CDH13: variants seen among roughly 807,000 people sequenced by gnomAD.
The protein encoded by CDH13 is cadherin-13.
A neutral mutation model predicts 63.8 loss-of-function variants in CDH13; 24 were observed. The observed-to-expected ratio is 0.38, with a 90% CI of 0.27 to 0.53. The LOEUF (loss-of-function observed/expected upper bound fraction) is 0.53, where lower values mean the gene tolerates loss of function less well. Ranked by LOEUF, CDH13 falls within the 20% of genes least tolerant of loss-of-function variation. CDH13 has a pLI of 0.85. For missense variants in CDH13, 1,049 were observed against 903.1 expected, an observed-to-expected ratio of 1.16 and a Z score of -2.07; for synonymous variants, 503 against 355.3, an observed-to-expected ratio of 1.42 and a Z score of -4.67.
intron 13 of CDH13, among the ~76,000 whole-genome samples, chr16:83,794,452 C>G (rs1916473478): frequency 6.6e-6 from 1 of 152,144 alleles, no homozygotes; most frequent in African/African-American, 2.4e-5. Flanking sequence ...CCTCCGGAGA[C>G]TAAGGTGGGA....
At chr16:82,635,855 C>T (rs1908589470) in intron 1 of CDH13, among the ~76,000 whole-genome samples, 1 of 152,140 alleles carries the variant, frequency 6.6e-6, no homozygotes, top group African/African-American at 2.4e-5. Flanking sequence ...TGAGTTCTCA[C>T]AAGACATGGT....
At chr16:83,075,222 C>G (rs1330759980) in intron 3 of CDH13, among the ~76,000 whole-genome samples, 1 of 152,172 alleles carries the variant, frequency 6.6e-6, no homozygotes, top group Non-Finnish European at 1.5e-5. Context: ...CTTCCCAACT[C>G]CCTCACTTGT....
chr16:83,704,708 G>C (rs905403078), intron 10 of CDH13, among the ~76,000 whole-genome samples: 2 of 152,168 alleles, frequency 1.3e-5, no homozygotes, highest in African/African-American at 4.8e-5. Context: ...ATTGTTGAAA[G>C]CCTTCAGTGC....
intron 7 of CDH13, 101 bp downstream of exon 7, chr16:83,486,756 T>A: frequency 9.4e-7 from 1 of 1,063,078 alleles, no homozygotes; most frequent in East Asian, 2.4e-5. Context: ...TTTAATACTG[T>A]AAAGGCAGAA....
At chr16:82,737,768 T>A (rs1038830998) in intron 1 of CDH13, among the ~76,000 whole-genome samples, 6 of 152,350 alleles carry the variant, frequency 3.9e-5, no homozygotes, top group African/African-American at 1.2e-4. Flanking sequence ...CTAGGTTCTT[T>A]CACTGCATTT....
chr16:83,728,325 G>A (rs1427371429), intron 10 of CDH13, among the ~76,000 whole-genome samples: 1 of 142,482 alleles, frequency 7.0e-6, no homozygotes, highest in Non-Finnish European at 1.5e-5. Context: ...GGCTATGTGT[G>A]TATGTGTATG....
intron 1 of CDH13, among the ~76,000 whole-genome samples, chr16:82,802,650 T>C (rs1329203134): frequency 6.6e-6 from 1 of 152,190 alleles, no homozygotes; most frequent in Non-Finnish European, 1.5e-5. Context: ...CCGCATCTTA[T>C]AAGAAGTGCA....
intron 2 of CDH13, among the ~76,000 whole-genome samples, chr16:82,945,205 G>A (rs1001142441): frequency 6.6e-6 from 1 of 152,190 alleles, no homozygotes; most frequent in Non-Finnish European, 1.5e-5. Flanking sequence ...AACTTTGTGG[G>A]CCATGAAGTT....
At chr16:83,614,776 A>G (rs529141561) in intron 8 of CDH13, among the ~76,000 whole-genome samples, 1 of 152,254 alleles carries the variant, frequency 6.6e-6, no homozygotes, top group Non-Finnish European at 1.5e-5. Flanking sequence ...TGGTGCGGAT[A>G]TAATTCCTGT....
At chr16:83,515,891 T>C (rs2074688290) in intron 7 of CDH13, among the ~76,000 whole-genome samples, 1 of 152,172 alleles carries the variant, frequency 6.6e-6, no homozygotes, top group African/African-American at 2.4e-5. Context: ...AATCTTTATA[T>C]AGGAATTAAA....
intron 10 of CDH13, among the ~76,000 whole-genome samples, chr16:83,724,527 T>A (rs1450423205): frequency 6.6e-6 from 1 of 152,138 alleles, no homozygotes; most frequent in Non-Finnish European, 1.5e-5. Flanking sequence ...GGTGGATGAA[T>A]GCATGGATGA....
intron 5 of CDH13, among the ~76,000 whole-genome samples, chr16:83,274,147 G>C (rs1007894288): frequency 3.3e-5 from 5 of 152,168 alleles, no homozygotes; most frequent in Admixed American, 6.5e-5. Context: ...GTCCCTCAAA[G>C]GAAAGACCAG....
chr16:83,477,463 G>A (rs2073634962), intron 6 of CDH13, among the ~76,000 whole-genome samples: 1 of 152,146 alleles, frequency 6.6e-6, no homozygotes. Flanking sequence ...ATTTTAAAGA[G>A]CACAGTTGTG....
intron 6 of CDH13, among the ~76,000 whole-genome samples, chr16:83,463,658 C>G (rs1284838903): frequency 6.6e-6 from 1 of 152,106 alleles, no homozygotes; most frequent in Non-Finnish European, 1.5e-5. Flanking sequence ...AAAAATTTAA[C>G]CGGGCATGGT....
At chr16:82,634,182 C>T (rs574060224) in intron 1 of CDH13, among the ~76,000 whole-genome samples, 9 of 152,340 alleles carry the variant, frequency 5.9e-5, no homozygotes, top group East Asian at 1.9e-4. Context: ...GGGCAGGGCC[C>T]GGAAATGAGC....
intron 3 of CDH13, among the ~76,000 whole-genome samples, chr16:83,037,832 A>G (rs921992733): frequency 1.3e-5 from 2 of 152,284 alleles, no homozygotes; most frequent in African/African-American, 2.4e-5. Flanking sequence ...CTGAATCCCA[A>G]TATCCTCATC....
At chr16:82,826,289 G>A (rs896404289) in intron 1 of CDH13, 1 of 152,198 alleles carries the variant, frequency 6.6e-6, no homozygotes, top group African/African-American at 2.4e-5. Context: ...AAGTTAGACT[G>A]CTTGAGAATT....
chr16:83,027,102 A>AC (rs79185242), intron 2 of CDH13, among the ~76,000 whole-genome samples: 3,602 of 100,736 alleles, frequency 0.036, 83 homozygotes, highest in African/African-American at 0.05. Context: ...CAGAAGGGAG[A>AC]CCCCCCCCCC....
intron 1 of CDH13, among the ~76,000 whole-genome samples, chr16:82,717,395 C>A (rs1369198280): frequency 2.0e-5 from 3 of 148,490 alleles, no homozygotes; most frequent in South Asian, 2.2e-4. Context: ...GAGATCACAC[C>A]ACTGCACTCC....
Sources: allele counts gnomAD v4.1 joint callset (sites outside exome capture counted in the v4.1 genomes callset), GRCh38; gene constraint gnomAD v4.1.1; transcripts MANE v1.5; gene names NCBI Gene and HGNC (gene_info 2026-07-23, HGNC 2026-07-21).